OR7A10: variants seen among roughly 807,000 people sequenced by gnomAD.
The protein encoded by OR7A10 is olfactory receptor 7A10.
For missense variants in OR7A10, 358 were observed against 370.1 expected (o/e 0.97, Z 0.27); for synonymous variants, 144 against 144.5 (o/e 1.00, Z 0.02).
chr19:14,847,468 C>T, intron 1 of OR7A10, among the ~76,000 whole-genome samples: 1 of 152,124 alleles, frequency 6.6e-6, no homozygotes. Flanking sequence ...CTGGATCTTT[C>T]TCATCAATAT....
At position 14,841,531 on chromosome 19, in the gene OR7A10, G is replaced by A. The variant is rs2044912672; in HGVS notation, c.347C>T (p.Thr116Ile). 6.2e-7 allele frequency: 1 copy of A among 1,614,094 alleles called. No homozygotes were observed. Among genetic ancestry groups the A allele is most frequent in the Non-Finnish European group, 8.5e-7 (1 of 1,180,042 alleles). The change falls in exon 2 of 2, where the codon ACC becomes ATC. Residue 116 changes from threonine to isoleucine, a missense_variant. Transcript: ENST00000641129. ...LFVGLDNFLLTVMAYDRFVAI... is the reference protein window; with the variant it reads ...LFVGLDNFLLIVMAYDRFVAI... ...CACAAACCGGTCATAGGCCATCACGGTCAGAAGGAAGTTATCCAATCCTAC... is the reference window on the plus strand; with the variant it reads ...CACAAACCGGTCATAGGCCATCACGATCAGAAGGAAGTTATCCAATCCTAC...
At chr19:14,844,644 A>T (rs1227588565) in intron 1 of OR7A10, among the ~76,000 whole-genome samples, 1 of 128,764 alleles carries the variant, frequency 7.8e-6, no homozygotes, top group Admixed American at 8.5e-5. Flanking sequence ...TTTGTTTTTC[A>T]CTGTTGCCTT....
Position 14,840,754 on chromosome 19 carries a change from T to C in OR7A10, c.*194A>G. The C allele has an allele frequency of 2.1e-6, 1 of 474,144 alleles. No homozygotes were observed. Among genetic ancestry groups the C allele is most frequent in the Admixed American group, 3.6e-5 (1 of 27,612 alleles). The allele number at this position is 474,144 out of a possible 1,614,324, so 29.4% of individuals were successfully genotyped here. Reference sequence around the variant, plus strand: ...TATGATTGAAAATTATATTCCGTCATATTTAAGGTCATCTCTGACTCTAAG... The same window carrying C: ...TATGATTGAAAATTATATTCCGTCACATTTAAGGTCATCTCTGACTCTAAG... On this transcript the variant is annotated 3_prime_UTR_variant, in exon 2 of 2. Transcript: ENST00000641129.
Position 14,841,067 on chromosome 19 carries a change from C to G in OR7A10, c.811G>C (p.Gly271Arg). 1.2e-6 allele frequency: 2 copies of G among 1,613,934 alleles called. No individual in the cohort carries two copies. The highest frequency in any genetic ancestry group is 1.1e-5 in the South Asian group (1 of 91,072). ...GTGTACATCACTGAGGCTGCAGCAC[C>G]TGTGTGTGAATTGTGGGTGGCAGCA... ...SSAATHNSHTGAAASVMYTVV... is the reference protein window; with the variant it reads ...SSAATHNSHTRAAASVMYTVV... The change falls in exon 2 of 2, where the codon GGT becomes CGT. Residue 271 changes from glycine to arginine, a missense_variant. Physicochemically the swap from Gly to Arg is moderately radical, Grantham distance 125. Coordinates refer to ENST00000641129, the MANE Select transcript of OR7A10 (RefSeq NM_001005190.2).
intron 1 of OR7A10, among the ~76,000 whole-genome samples, chr19:14,844,605 G>C (rs1006430230): frequency 1.3e-5 from 2 of 151,172 alleles, no homozygotes; most frequent in Non-Finnish European, 2.9e-5. Flanking sequence ...GGTTGCAAAG[G>C]TGTCCCATTA....
At chr19:14,848,381 A>C (rs557634605) in intron 1 of OR7A10, 119 bp downstream of exon 1, 10 of 151,592 alleles carry the variant, frequency 6.6e-5, no homozygotes, top group Middle Eastern at 3.4e-3. Flanking sequence ...TCACCAAGCA[A>C]ATACCCACAG....
intron 1 of OR7A10, among the ~76,000 whole-genome samples, chr19:14,847,833 A>C (rs928773810): frequency 4.0e-5 from 6 of 150,096 alleles, no homozygotes; most frequent in Admixed American, 4.0e-4. Context: ...CTTCTTAAAA[A>C]TGAAAAATTG....
In OR7A10 at chr19:14,841,433, A is replaced by C. The variant is rs372948454; in HGVS notation, c.445T>G (p.Trp149Gly). Residue 149 changes from tryptophan (W) to glycine (G), a missense_variant, in exon 2 of 2, where the codon TGG becomes GGG. Trp to Gly is a radical substitution (Grantham distance 184). Transcript: ENST00000641129. ...QLCGLLVLAS[W>G]IMSVLNSMLQ... ...ATGGAATTCAGAACACTCATGATCC[A>C]GGATGCCAGAACCAGCAGTCCACAG... The C allele has an allele frequency of 5.6e-6, 9 of 1,614,082 alleles. No individual in the cohort carries two copies. The African/African-American group carries it at 1.1e-4, about 19-fold the overall frequency.
In OR7A10 at chr19:14,841,229, A is replaced by G. The variant is rs2044909913; in HGVS notation, c.649T>C (p.Ser217Pro). 3 of 1,614,220 alleles carry G rather than the reference A, an allele frequency of 1.9e-6. No individual in the cohort carries two copies. The highest frequency in any genetic ancestry group is 2.5e-6 in the Non-Finnish European group (3 of 1,180,038). ...GGGPLTGILY[S>P]YSKIVSSIRA... ...ATGGAGGAAACTATCTTAGAGTAAG[A>G]GTACAGGATCCCAGTGAGGGGACCA... The change falls in exon 2 of 2, where the codon TCT becomes CCT. Residue 217 changes from serine (S) to proline (P), a missense_variant. Physicochemically the swap from Ser to Pro is moderately conservative, Grantham distance 74. Coordinates refer to ENST00000641129, the MANE Select transcript of OR7A10 (RefSeq NM_001005190.2).
At chr19:14,846,709 CA>C (rs60087409) in intron 1 of OR7A10, among the ~76,000 whole-genome samples, 55 of 64,032 alleles carry the variant, frequency 8.6e-4, no homozygotes, top group Middle Eastern at 0.011. Context: ...GACTCCATCT[CA>C]AAAAAAAAAA....
At chr19:14,848,110 A>G (rs375190724) in intron 1 of OR7A10, among the ~76,000 whole-genome samples, 58 of 141,754 alleles carry the variant, frequency 4.1e-4, no homozygotes, top group African/African-American at 1.4e-3. Context: ...GCGACAGAGT[A>G]AGACTCTGTC....
chr19:14,841,529 C>T lies in OR7A10; in HGVS notation c.349G>A (p.Val117Met), dbSNP rs751220436. 19 of 1,614,004 alleles carry T rather than the reference C, an allele frequency of 1.2e-5. No individual in the cohort carries two copies. In the East Asian group the frequency reaches 1.8e-4, roughly 15 times the overall value. ...FVGLDNFLLTVMAYDRFVAIC... is the reference protein window; with the variant it reads ...FVGLDNFLLTMMAYDRFVAIC... ...GCCACAAACCGGTCATAGGCCATCACGGTCAGAAGGAAGTTATCCAATCCT... is the reference window on the plus strand; with the variant it reads ...GCCACAAACCGGTCATAGGCCATCATGGTCAGAAGGAAGTTATCCAATCCT... The change falls in exon 2 of 2, where the codon GTG becomes ATG. Residue 117 changes from valine (V) to methionine (M), a missense_variant. Physicochemically the swap from Val to Met is conservative, Grantham distance 21. Coordinates refer to ENST00000641129, the MANE Select transcript of OR7A10 (RefSeq NM_001005190.2).
At chr19:14,843,222 C>A (rs1320950884) in intron 1 of OR7A10, among the ~76,000 whole-genome samples, 1 of 152,190 alleles carries the variant, frequency 6.6e-6, no homozygotes, top group African/African-American at 2.4e-5. Flanking sequence ...AAAACTTATA[C>A]ACTGCTGGTG....
At chr19:14,847,218 T>A (rs371951596) in intron 1 of OR7A10, among the ~76,000 whole-genome samples, 1 of 152,216 alleles carries the variant, frequency 6.6e-6, no homozygotes, top group Admixed American at 6.5e-5. Flanking sequence ...GAATCCATCA[T>A]ACAAAAGCCA....
At chr19:14,846,875 T>C (rs1001632203) in intron 1 of OR7A10, among the ~76,000 whole-genome samples, 6 of 151,988 alleles carry the variant, frequency 3.9e-5, no homozygotes, top group Non-Finnish European at 5.9e-5. Flanking sequence ...ATGACAGAGA[T>C]GTGAAAAGAA....
rs1568259156 is a variant in OR7A10, at chr19:14,845,070, A to AAACAC, written c.-12-3182_-12-3181insGTGTT. 1.2e-3 allele frequency among the ~76,000 whole-genome samples: 172 copies of AAACAC among 141,702 alleles called. 4 individuals are homozygous for AAACAC. The East Asian group carries it at 0.02, about 17-fold the overall frequency. 93.0% of individuals were successfully genotyped at this position (141,702 alleles called of 152,430 possible). On this transcript the variant is annotated intron_variant, in intron 1 of 1. Coordinates refer to ENST00000641129, the MANE Select transcript of OR7A10 (RefSeq NM_001005190.2). ...AGAGGTGCACACACACACACACACA[A>AAACAC]ACACACACACACACACACACACACA...
At chr19:14,847,937 A>G (rs2044950982) in intron 1 of OR7A10, among the ~76,000 whole-genome samples, 1 of 150,780 alleles carries the variant, frequency 6.6e-6, no homozygotes, top group Admixed American at 6.6e-5. Context: ...ATCCTGGCCA[A>G]CATGGTGAAA....
At chr19:14,847,379 TAGCATA>T (rs2044947649) in intron 1 of OR7A10, among the ~76,000 whole-genome samples, 1 of 152,204 alleles carries the variant, frequency 6.6e-6, no homozygotes, top group African/African-American at 2.4e-5. Flanking sequence ...TTTGAATACC[TAGCATA>T]AGAAAAGCAG....
intron 1 of OR7A10, among the ~76,000 whole-genome samples, chr19:14,844,901 G>A (rs999615916): frequency 2.0e-5 from 3 of 151,638 alleles, no homozygotes; most frequent in African/African-American, 7.3e-5. Context: ...GACCTCAGGG[G>A]ATCTGCCCAC....
Sources: allele counts gnomAD v4.1 joint callset (sites outside exome capture counted in the v4.1 genomes callset), GRCh38; gene constraint gnomAD v4.1.1; transcripts MANE v1.5; gene names NCBI Gene and HGNC (gene_info 2026-07-23, HGNC 2026-07-21).